GTPBP4: variants seen among roughly 807,000 people sequenced by gnomAD.
GTPBP4 encodes GTP binding protein 4.
GTPBP4 carries 15 observed loss-of-function variants against 81.7 expected under a neutral mutation model. The ratio of observed to expected loss-of-function variants is 0.18; its 90% confidence interval spans 0.12 to 0.28. GTPBP4 has a LOEUF of 0.28. Among genes scored for constraint, GTPBP4 ranks in the 10% least tolerant of loss-of-function variants. The pLI is 1.00. For missense variants in GTPBP4, 847 were observed against 793.8 expected (o/e 1.07, Z -0.81); for synonymous variants, 272 against 274.6 (o/e 0.99, Z 0.09).
chr10:1,008,209 C>T (rs1046773267), intron 10 of GTPBP4: 1 of 443,932 alleles, frequency 2.3e-6, no homozygotes, highest in Admixed American at 2.5e-5. Context: ...GGTCAAGAGT[C>T]TGAGACCAGC....
In GTPBP4 at chr10:1,019,759, C is replaced by T; in HGVS notation, c.*2532C>T. ...CTCACAAGCAGAAGGTAACAAATTT[C>T]ATGCTCTCCCCAAATTCTGTCTGAT... is the stretch of plus-strand genomic sequence containing the variant. On this transcript the variant is annotated 3_prime_UTR_variant, in exon 17 of 17. Coordinates refer to ENST00000360803, the MANE Select transcript of GTPBP4 (RefSeq NM_012341.3). The T allele has an allele frequency of 6.2e-7, 1 of 1,614,068 alleles. No individual in the cohort carries two copies. Among genetic ancestry groups the T allele is most frequent in the Non-Finnish European group, 8.5e-7 (1 of 1,179,996 alleles).
At position 1,017,111 on chromosome 10, in the gene GTPBP4, CAGA is replaced by C. The variant is rs1326428702; in HGVS notation, c.1796_1798del (p.Lys599del). The C allele has an allele frequency of 1.9e-6, 3 of 1,613,648 alleles. No individual in the cohort carries two copies. Among genetic ancestry groups the C allele is most frequent in the African/African-American group, 1.3e-5 (1 of 74,890 alleles). Reference sequence around the variant, plus strand: ...AGCCAAGACTATGATGAAGAATGCTCAGAAGAAGATGAATCGGTTGGGGAAGAA... The same window carrying C: ...AGCCAAGACTATGATGAAGAATGCTCAGAAGATGAATCGGTTGGGGAAGAA... On this transcript the variant is annotated inframe_deletion, in exon 17 of 17. Coordinates refer to ENST00000360803, the MANE Select transcript of GTPBP4 (RefSeq NM_012341.3).
chr10:1,014,274 A>C lies in GTPBP4; in HGVS notation c.1570A>C (p.Met524Leu). The C allele has an allele frequency of 6.2e-7, 1 of 1,608,338 alleles. No individual in the cohort carries two copies. Among genetic ancestry groups the C allele is most frequent in the Non-Finnish European group, 8.5e-7 (1 of 1,174,952 alleles). The change falls in exon 15 of 17, where the codon ATG becomes CTG. Residue 524 changes from methionine to leucine, a missense_variant. Physicochemically the swap from Met to Leu is conservative, Grantham distance 15 (BLOSUM62 2). Coordinates refer to ENST00000360803, the MANE Select transcript of GTPBP4 (RefSeq NM_012341.3). ...KVQRTVLEKE[M>L]RSLGVDMDDK... ...TCAGAGGACAGTTTTGGAGAAGGAG[A>C]TGCGTAGTCTTGGTGTTGACATGGA... is the stretch of plus-strand genomic sequence containing the variant.
intron 8 of GTPBP4, among the ~76,000 whole-genome samples, chr10:1,003,041 A>G (rs1831665596): frequency 6.6e-6 from 1 of 152,168 alleles, no homozygotes; most frequent in South Asian, 2.1e-4. Context: ...AACTCCCATA[A>G]TGCCAGCATG....
At position 1,009,054 on chromosome 10, in the gene GTPBP4, C is replaced by T. The variant is rs939076128; in HGVS notation, c.1191+19C>T. ...GAAGAGGGTATGCTGCCGAAGCTCT[C>T]GCCCAGTGTTCTCATGGGGGGAGGC... is the stretch of plus-strand genomic sequence containing the variant. On this transcript the variant is annotated intron_variant, in intron 11 of 16. Coordinates refer to ENST00000360803, the MANE Select transcript of GTPBP4 (RefSeq NM_012341.3). 15 of 1,574,956 alleles carry T rather than the reference C, an allele frequency of 9.5e-6. No homozygotes were observed. Among genetic ancestry groups the T allele is most frequent in the East Asian group, 6.7e-5 (3 of 44,678 alleles).
intron 5 of GTPBP4, among the ~76,000 whole-genome samples, chr10:997,873 T>A (rs1831561509): frequency 6.6e-6 from 1 of 152,144 alleles, no homozygotes; most frequent in Non-Finnish European, 1.5e-5. Flanking sequence ...TTTCCCTGGG[T>A]GAGCTCACTG....
chr10:1,008,799 C>T (rs1421177906), intron 10 of GTPBP4, 159 bp from the exon 11 acceptor site: 1 of 675,852 alleles, frequency 1.5e-6, no homozygotes, highest in Non-Finnish European at 2.7e-6. Context: ...CGGTATGAAC[C>T]CACTCCTCTC....
At position 1,014,877 on chromosome 10, in the gene GTPBP4, CA is replaced by C. The variant is rs11412135; in HGVS notation, c.1608+577del. Among the ~76,000 whole-genome samples, 346 of 144,472 alleles carry C rather than the reference CA, an allele frequency of 2.4e-3. 1 individual carries two copies. Among genetic ancestry groups the C allele is most frequent in the African/African-American group, 7.3e-3 (285 of 39,182 alleles). 94.8% of individuals were successfully genotyped at this position (144,472 alleles called of 152,430 possible). On this transcript the variant is annotated intron_variant, in intron 15 of 16. Transcript: ENST00000360803. ...TGGGCAACAGAGCAAGACTGTGTCT[CA>C]AAAAAAAAAAAGCTCCACAGCCAGC...
At chr10:1,016,537 C>T (rs987365729) in intron 16 of GTPBP4, among the ~76,000 whole-genome samples, 13 of 152,244 alleles carry the variant, frequency 8.5e-5, no homozygotes, top group Admixed American at 5.2e-4. Flanking sequence ...TGTGCCATTG[C>T]CATCTTGAAA....
chr10:991,756 C>T (rs577831560), intron 1 of GTPBP4, among the ~76,000 whole-genome samples: 32 of 131,656 alleles, frequency 2.4e-4, no homozygotes, highest in African/African-American at 9.0e-4. Flanking sequence ...AGTGCAGTGG[C>T]GCGATCTCGG....
rs745839650 is a variant in GTPBP4 at position 988,458 on chromosome 10, C to A, written c.-22C>A. ...CGGAAGTTCCGGGAGTGCCAAGTAC[C>A]CGCGTGCATACGGCTGCCGGCATGG... On this transcript the variant is annotated 5_prime_UTR_variant, in exon 1 of 17. Coordinates refer to ENST00000360803, the MANE Select transcript of GTPBP4 (RefSeq NM_012341.3). 3 of 1,610,298 alleles carry A rather than the reference C, an allele frequency of 1.9e-6. No homozygotes were observed. Among genetic ancestry groups the A allele is most frequent in the South Asian group, 1.1e-5 (1 of 90,958 alleles).
Position 1,008,984 on chromosome 10 carries a change from A to AGTG in GTPBP4, c.1145_1147dup (p.Val382dup). ...AGAGGCCCCCTTTCATCCCTGAAGGAGTGGTGGCTCGCAGGAAGAGGATGG... is the reference window on the plus strand; with the variant it reads ...AGAGGCCCCCTTTCATCCCTGAAGGAGTGGTGGTGGCTCGCAGGAAGAGGATGG... On this transcript the variant is annotated inframe_insertion, in exon 11 of 17. Coordinates refer to ENST00000360803, the MANE Select transcript of GTPBP4 (RefSeq NM_012341.3). 5 of 1,612,334 alleles carry AGTG rather than the reference A, an allele frequency of 3.1e-6. No homozygotes were observed. Among genetic ancestry groups the AGTG allele is most frequent in the Non-Finnish European group, 4.2e-6 (5 of 1,178,398 alleles).
At chr10:1,005,406 A>G (rs998441322) in intron 8 of GTPBP4, among the ~76,000 whole-genome samples, 3 of 151,908 alleles carry the variant, frequency 2.0e-5, no homozygotes, top group African/African-American at 7.3e-5. Context: ...CGGCCTCCCA[A>G]AGGCTGGGAT....
At chr10:989,121 T>G (rs1831396748) in intron 1 of GTPBP4, among the ~76,000 whole-genome samples, 1 of 149,536 alleles carries the variant, frequency 6.7e-6, no homozygotes, top group Admixed American at 6.7e-5. Flanking sequence ...GGACTTTTTT[T>G]TTTTTTTTTT....
intron 14 of GTPBP4, among the ~76,000 whole-genome samples, chr10:1,013,331 C>T (rs569375354): frequency 1.3e-4 from 19 of 150,316 alleles, no homozygotes; most frequent in African/African-American, 3.4e-4. Context: ...CTCTTTAGGC[C>T]GGGCGCAGTG....
In GTPBP4 at chr10:1,017,321, CT is replaced by C. The variant is rs1362757055; in HGVS notation, c.*95del. ...TCATGAAATTGGAGCTCTGTATAAA[CT>C]GAAAAAGACAAAATAAGTAAAGCAC... is the stretch of plus-strand genomic sequence containing the variant. On this transcript the variant is annotated 3_prime_UTR_variant, in exon 17 of 17. Coordinates refer to ENST00000360803, the MANE Select transcript of GTPBP4 (RefSeq NM_012341.3). 6.2e-6 allele frequency: 7 copies of C among 1,135,282 alleles called. No homozygotes were observed. In the African/African-American group the frequency reaches 9.3e-5, roughly 15 times the overall value. 70.3% of individuals were successfully genotyped at this position (1,135,282 alleles called of 1,614,324 possible).
chr10:1,002,874 A>G (rs939975038), intron 8 of GTPBP4, among the ~76,000 whole-genome samples: 4 of 152,202 alleles, frequency 2.6e-5, no homozygotes, highest in Admixed American at 2.6e-4. Context: ...CAGTTTGACT[A>G]TAATGTGCCT....
At chr10:1,011,150 C>G (rs1207580766) in intron 13 of GTPBP4, among the ~76,000 whole-genome samples, 5 of 144,428 alleles carry the variant, frequency 3.5e-5, no homozygotes, top group Non-Finnish European at 7.6e-5. Context: ...CCTTCATTCT[C>G]CTGCATCCCT....
chr10:998,672 A>G (rs1274540207), intron 5 of GTPBP4, among the ~76,000 whole-genome samples: 2 of 152,222 alleles, frequency 1.3e-5, no homozygotes, highest in Non-Finnish European at 2.9e-5. Flanking sequence ...TTAGCAGTGC[A>G]TGACTGGTGG....
Sources: allele counts gnomAD v4.1 joint callset (sites outside exome capture counted in the v4.1 genomes callset), GRCh38; gene constraint gnomAD v4.1.1; transcripts MANE v1.5; gene names NCBI Gene and HGNC (gene_info 2026-07-23, HGNC 2026-07-21).